The following PTPRS variants were observed in gnomAD, a reference collection of about 807,000 sequenced individuals.
The protein encoded by PTPRS is protein tyrosine phosphatase receptor type S.
Under a neutral mutation model 215.3 loss-of-function variants are expected in PTPRS, and 63 were observed. That is an observed-to-expected ratio of 0.29 (90% confidence interval 0.24 to 0.36). The LOEUF (loss-of-function observed/expected upper bound fraction) is 0.36. Among genes scored for constraint, PTPRS ranks in the 10% least tolerant of loss-of-function variants. The pLI, the probability that PTPRS is intolerant of heterozygous loss-of-function variation, is 1.00. For synonymous variants in PTPRS, 1,404 were observed against 1,191.4 expected, an observed-to-expected ratio of 1.18 and a Z score of -3.68; for missense variants, 2,258 against 2,825.8, an observed-to-expected ratio of 0.80 and a Z score of 4.56.
At chr19:5,279,758 C>A (rs2047692496) in intron 2 of PTPRS, among the ~76,000 whole-genome samples, 1 of 152,126 alleles carries the variant, frequency 6.6e-6, no homozygotes, top group Non-Finnish European at 1.5e-5. Context: ...TCTCGGCTCA[C>A]TGCAAGCTTC....
rs2042143473 is a variant in PTPRS, at chr19:5,223,017, C to T, written c.2775G>A (p.Glu925=). 1 of 1,544,344 alleles carries T rather than the reference C, an allele frequency of 6.5e-7. No individual in the cohort carries two copies. Among genetic ancestry groups the T allele is most frequent in the Non-Finnish European group, 8.7e-7 (1 of 1,147,056 alleles). ...TCTGCGGGTGGCCACGGGGCGTGTC[C>T]TCCGGGATGCTCAGGACCTCGGCTG... ...EEAAEVLSIP[E]DTPRGHPQIL... Residue 925 remains glutamate (E), a synonymous_variant, in exon 18 of 38, where the codon GAG becomes GAA. Coordinates refer to ENST00000262963, the MANE Select transcript of PTPRS (RefSeq NM_002850.4).
In PTPRS at chr19:5,257,681, C is replaced by T. The variant is rs547102055; in HGVS notation, c.706+336G>A. ...AGGTGGGGTGGGGCGGGGCAGAGGC[C>T]TGCAGGCTCCCCTGGCCCTGTAGGC... is the stretch of plus-strand genomic sequence containing the variant. On this transcript the variant is annotated intron_variant, in intron 8 of 37. Transcript: ENST00000262963. This position sits in a 1 kb window ranked among gnomAD's most constrained non-coding sequence, Gnocchi z 4.4. Among the ~76,000 whole-genome samples the T allele has an allele frequency of 6.6e-6, 1 of 152,276 alleles. No individual in the cohort carries two copies. The highest frequency in any genetic ancestry group is 1.9e-4 in the East Asian group (1 of 5,168).
chr19:5,247,007 AGAG>A (rs2044554189), intron 9 of PTPRS, among the ~76,000 whole-genome samples: 1 of 151,766 alleles, frequency 6.6e-6, no homozygotes, highest in Non-Finnish European at 1.5e-5. Context: ...GACACCAGAG[AGAG>A]GAGACGAATG....
At chr19:5,337,514 G>C (rs935959628) in intron 1 of PTPRS, among the ~76,000 whole-genome samples, 1 of 152,184 alleles carries the variant, frequency 6.6e-6, no homozygotes, top group Non-Finnish European at 1.5e-5. Flanking sequence ...GGAGGTGTGC[G>C]CTGCCCTCAG....
At chr19:5,208,175 GT>G in intron 36 of PTPRS, 61 bp downstream of exon 36, 1 of 1,558,614 alleles carries the variant, frequency 6.4e-7, no homozygotes, top group Non-Finnish European at 8.7e-7. Flanking sequence ...GCTTGGGGCT[GT>G]CCCCACCAGG....
At position 5,254,822 on chromosome 19, in the gene PTPRS, T is replaced by C. The variant is rs532400957; in HGVS notation, c.718+1286A>G. ...TTGGCCAAGTCTTTCTTCCAAAGTC[T>C]GTCAGGCTACATTTCCTAATGGGCA... On this transcript the variant is annotated intron_variant, in intron 9 of 37. Transcript: ENST00000262963. Among the ~76,000 whole-genome samples the C allele has an allele frequency of 3.9e-5, 6 of 152,316 alleles. No individual in the cohort carries two copies. The South Asian group carries it at 1.2e-3, about 32-fold the overall frequency.
chr19:5,259,466 T>C (rs973886628), intron 7 of PTPRS, among the ~76,000 whole-genome samples: 7 of 152,134 alleles, frequency 4.6e-5, no homozygotes, highest in Admixed American at 3.3e-4. Context: ...CACCAGTAAA[T>C]GAAGCTGAGT....
intron 11 of PTPRS, among the ~76,000 whole-genome samples, chr19:5,241,810 C>A (rs1423220516): frequency 2.0e-5 from 3 of 152,102 alleles, no homozygotes; most frequent in African/African-American, 7.2e-5. Flanking sequence ...GGGAGGGAGA[C>A]TGGCCCACTG....
chr19:5,303,954 A>AAAAAAAAAAATAAAAAAAAAAAAATAAT, intron 1 of PTPRS, among the ~76,000 whole-genome samples: 1 of 132,254 alleles, frequency 7.6e-6, no homozygotes, highest in Admixed American at 8.1e-5. Flanking sequence ...CTGTCTCAAA[A>AAAAAAAAAAATAAAAAAAAAAAAATAAT]AATAATAATA....
Position 5,244,458 on chromosome 19 carries a change from G to A in PTPRS, c.1013C>T (p.Pro338Leu), listed in dbSNP as rs756420564. 1.6e-5 allele frequency: 26 copies of A among 1,613,832 alleles called. No homozygotes were observed. The highest frequency in any genetic ancestry group is 2.1e-5 in the Non-Finnish European group (25 of 1,179,902). ...VKSLPKAPGT[P>L]MVTENTATSI... ...GGTGGCTGTGTTCTCAGTCACCATG[G>A]GAGTCCCGGGAGCTTTGGGGAGAGC... The change falls in exon 11 of 38, where the codon CCC becomes CTC. Residue 338 changes from proline to leucine, a missense_variant. Transcript: ENST00000262963. This position sits in a 1 kb window ranked among gnomAD's most constrained non-coding sequence, Gnocchi z 7.2.
rs77638554 is a variant in PTPRS, at chr19:5,286,214, G to A, written c.-74C>T. ...GTCCCTCACAGAGAGGCCTCGAGCCGAGCGTCAGATGGGGCAACGTCTGCA... is the reference window on the plus strand; with the variant it reads ...GTCCCTCACAGAGAGGCCTCGAGCCAAGCGTCAGATGGGGCAACGTCTGCA... On this transcript the variant is annotated 5_prime_UTR_variant, in exon 2 of 38. Transcript: ENST00000262963. 1,758 of 1,540,526 alleles carry A rather than the reference G, an allele frequency of 1.1e-3. 19 individuals are homozygous for A. The African/African-American group carries it at 0.017, about 15-fold the overall frequency.
chr19:5,329,699 A>T (rs1466497038), intron 1 of PTPRS, among the ~76,000 whole-genome samples: 2 of 151,726 alleles, frequency 1.3e-5, no homozygotes, highest in Admixed American at 1.3e-4. Context: ...CGGGAGGTGG[A>T]GCTGGCAGTG....
chr19:5,257,933 G>C lies in PTPRS; in HGVS notation c.706+84C>G. The C allele has an allele frequency of 8.3e-7, 1 of 1,211,876 alleles. No homozygotes were observed. Among genetic ancestry groups the C allele is most frequent in the East Asian group, 2.3e-5 (1 of 42,598 alleles). The allele number at this position is 1,211,876 out of a possible 1,614,324, so 75.1% of individuals were successfully genotyped here. ...CTGCTTGGGTGTGCAGGGGACGGGG[G>C]AGCCCGGAGGCGGTGAGCCCGAGGA... On this transcript the variant is annotated intron_variant, in intron 8 of 37. Coordinates refer to ENST00000262963, the MANE Select transcript of PTPRS (RefSeq NM_002850.4). The surrounding 1 kb of genome is among the most constrained non-coding windows in gnomAD (Gnocchi z 4.4).
intron 1 of PTPRS, among the ~76,000 whole-genome samples, chr19:5,320,323 T>C (rs1317909553): frequency 6.6e-6 from 1 of 152,234 alleles, no homozygotes; most frequent in East Asian, 1.9e-4. Context: ...ACACGGACCT[T>C]GAAGCCAAAC....
Position 5,231,873 on chromosome 19 carries a change from C to A in PTPRS, c.1850-258G>T, listed in dbSNP as rs554387461. Among the ~76,000 whole-genome samples the A allele has an allele frequency of 1.2e-4, 18 of 152,252 alleles. No individual in the cohort carries two copies. In the South Asian group the frequency reaches 3.1e-3, roughly 26 times the overall value. ...CCCTGTGCTCACCAGGCTGCACCTA[C>A]GTGGTGCACAGTAGGTCTTAGGCAT... On this transcript the variant is annotated intron_variant, in intron 13 of 37. Transcript: ENST00000262963.
intron 16 of PTPRS, among the ~76,000 whole-genome samples, chr19:5,228,132 G>A (rs566196700): frequency 3.3e-5 from 5 of 152,070 alleles, no homozygotes; most frequent in African/African-American, 9.6e-5. Flanking sequence ...CAGTGTGGGT[G>A]AGAGATGGGA....
chr19:5,264,751 A>G (rs2046280782), intron 5 of PTPRS, among the ~76,000 whole-genome samples: 1 of 151,850 alleles, frequency 6.6e-6, no homozygotes, highest in African/African-American at 2.4e-5. Flanking sequence ...TTATATCTTC[A>G]TTGGCCAGGT....
intron 2 of PTPRS, chr19:5,277,695 G>T: frequency 1.9e-6 from 1 of 537,878 alleles, no homozygotes; most frequent in Non-Finnish European, 3.4e-6. Flanking sequence ...CTTCCTCGGC[G>T]CTGCCTAAGG....
intron 1 of PTPRS, among the ~76,000 whole-genome samples, chr19:5,326,668 A>G (rs2050175557): frequency 1.3e-5 from 2 of 151,808 alleles, no homozygotes; most frequent in Admixed American, 1.3e-4. Context: ...CCTGGGTGAC[A>G]GAGTGAGATG....
Sources: allele counts gnomAD v4.1 joint callset (sites outside exome capture counted in the v4.1 genomes callset), GRCh38; gene constraint gnomAD v4.1.1; non-coding constraint Gnocchi (gnomAD v3.1); transcripts MANE v1.5; gene names NCBI Gene and HGNC (gene_info 2026-07-23, HGNC 2026-07-21).